Variants in MDGA2 observed in about 807,000 individuals in gnomAD.
The protein encoded by MDGA2 is MAM domain containing glycosylphosphatidylinositol anchor 2, also known as MAM domain-containing glycosylphosphatidylinositol anchor protein 2.
MDGA2 carries 40 observed loss-of-function variants against 117.8 expected under a neutral mutation model. The observed-to-expected ratio is 0.34, with a 90% confidence interval of 0.26 to 0.44. The LOEUF (loss-of-function observed/expected upper bound fraction) is 0.44, where lower values mean the gene tolerates loss of function less well. MDGA2 is among the 20% of genes least tolerant of loss of function. The probability of loss-of-function intolerance (pLI) is 1.00; values close to 1 mark genes in which losing one functional copy is unlikely to be tolerated. For missense variants in MDGA2, 1,123 were observed against 1,250.6 expected (o/e 0.90, Z 1.54); for synonymous variants, 452 against 439.0 (o/e 1.03, Z -0.37).
intron 9 of MDGA2, among the ~76,000 whole-genome samples, chr14:46,949,339 T>C (rs1259007334): frequency 6.6e-6 from 1 of 152,036 alleles, no homozygotes; most frequent in Non-Finnish European, 1.5e-5. Context: ...TGTAATTTGA[T>C]ACTGTGATTT....
At chr14:47,466,142 G>A (rs1893599196) in intron 1 of MDGA2, among the ~76,000 whole-genome samples, 1 of 151,992 alleles carries the variant, frequency 6.6e-6, no homozygotes, top group Non-Finnish European at 1.5e-5. Context: ...CACAAAAAGG[G>A]AACAACAGAC....
chr14:47,571,880 C>A (rs771429223), intron 1 of MDGA2, among the ~76,000 whole-genome samples: 7 of 152,108 alleles, frequency 4.6e-5, no homozygotes, highest in African/African-American at 9.7e-5. Context: ...AAGTTCCACA[C>A]ACGTATCCCA....
chr14:47,041,464 A>G (rs1375143429), intron 7 of MDGA2, among the ~76,000 whole-genome samples: 2 of 152,182 alleles, frequency 1.3e-5, no homozygotes, highest in African/African-American at 4.8e-5. Context: ...GTCACTCCTA[A>G]TAAAAATGCA....
intron 9 of MDGA2, among the ~76,000 whole-genome samples, chr14:46,923,062 G>A (rs1324957560): frequency 6.6e-6 from 1 of 152,120 alleles, no homozygotes; most frequent in African/African-American, 2.4e-5. Flanking sequence ...TACTGAAATA[G>A]TTTTACCCTG....
intron 8 of MDGA2, among the ~76,000 whole-genome samples, chr14:47,001,269 T>C (rs201370324): frequency 2.0e-5 from 3 of 151,662 alleles, no homozygotes; most frequent in African/African-American, 4.8e-5. Context: ...AAAATCACAA[T>C]TGAAGGAATG....
chr14:47,063,874 G>T (rs1277758081), intron 6 of MDGA2, among the ~76,000 whole-genome samples: 1 of 151,970 alleles, frequency 6.6e-6, no homozygotes, highest in East Asian at 1.9e-4. Flanking sequence ...AGATGTTTAA[G>T]TGGTTGTCAT....
At chr14:47,592,028 G>A (rs567059442) in intron 1 of MDGA2, among the ~76,000 whole-genome samples, 1 of 151,982 alleles carries the variant, frequency 6.6e-6, no homozygotes, top group African/African-American at 2.4e-5. Context: ...AAGCTGATAA[G>A]CAACTTCAAC....
At chr14:47,595,858 G>A (rs1020727986) in intron 1 of MDGA2, among the ~76,000 whole-genome samples, 1 of 152,164 alleles carries the variant, frequency 6.6e-6, no homozygotes, top group African/African-American at 2.4e-5. Flanking sequence ...TAAAGAAACA[G>A]ACATCTGCAT....
chr14:47,383,824 C>T (rs1052318329), intron 1 of MDGA2, among the ~76,000 whole-genome samples: 2 of 152,068 alleles, frequency 1.3e-5, no homozygotes, highest in African/African-American at 4.8e-5. Flanking sequence ...CACACCCGGA[C>T]GGTTCATTAG....
intron 6 of MDGA2, among the ~76,000 whole-genome samples, chr14:47,085,731 C>T (rs1248530478): frequency 6.6e-6 from 1 of 151,274 alleles, no homozygotes; most frequent in Non-Finnish European, 1.5e-5. Context: ...ATAAACTTGA[C>T]AACTGAACTG....
At chr14:46,859,291 C>T (rs1390623465) in intron 14 of MDGA2, among the ~76,000 whole-genome samples, 1 of 152,138 alleles carries the variant, frequency 6.6e-6, no homozygotes. Flanking sequence ...GCTCTCCCCA[C>T]CTTTGTTGTG....
At chr14:47,587,909 C>T (rs1896355554) in intron 1 of MDGA2, among the ~76,000 whole-genome samples, 1 of 151,850 alleles carries the variant, frequency 6.6e-6, no homozygotes, top group Non-Finnish European at 1.5e-5. Context: ...CTCCTTGCAC[C>T]TCTTATCTAC....
chr14:46,993,078 A>T (rs75050139), intron 8 of MDGA2, among the ~76,000 whole-genome samples: 1 of 152,010 alleles, frequency 6.6e-6, no homozygotes, highest in Non-Finnish European at 1.5e-5. Flanking sequence ...AAAAAAAAAA[A>T]TTCTTCTCAT....
chr14:47,157,303 T>A (rs560377514), intron 3 of MDGA2, among the ~76,000 whole-genome samples: 2 of 152,178 alleles, frequency 1.3e-5, no homozygotes, highest in East Asian at 3.8e-4. Flanking sequence ...AAAACTTAGA[T>A]TCATTCATTC....
intron 8 of MDGA2, among the ~76,000 whole-genome samples, chr14:47,028,398 T>C (rs1197647666): frequency 1.3e-5 from 2 of 152,286 alleles, no homozygotes; most frequent in African/African-American, 2.4e-5. Context: ...TGTAAATATA[T>C]ACAACCATTA....
intron 8 of MDGA2, among the ~76,000 whole-genome samples, chr14:46,970,837 T>A (rs1216165884): frequency 6.6e-6 from 1 of 151,814 alleles, no homozygotes; most frequent in African/African-American, 2.4e-5. Flanking sequence ...CCCAAATAAC[T>A]CAATAATTTT....
At chr14:47,115,007 A>T (rs1311166602) in intron 5 of MDGA2, among the ~76,000 whole-genome samples, 1 of 151,964 alleles carries the variant, frequency 6.6e-6, no homozygotes, top group Non-Finnish European at 1.5e-5. Context: ...AAATGGAAGA[A>T]AATTTTTGCT....
chr14:47,499,607 C>A (rs1262511679), intron 1 of MDGA2, among the ~76,000 whole-genome samples: 1 of 152,138 alleles, frequency 6.6e-6, no homozygotes, highest in Admixed American at 6.6e-5. Flanking sequence ...CTCCCTACCA[C>A]TATCAGCTTA....
chr14:47,381,430 T>G (rs1891622957), intron 1 of MDGA2, among the ~76,000 whole-genome samples: 2 of 152,186 alleles, frequency 1.3e-5, no homozygotes, highest in South Asian at 4.1e-4. Flanking sequence ...TGTCCCTGTT[T>G]GCAGATGACA....
Sources: gnomAD v4.1 joint callset for allele counts (sites outside exome capture counted in the v4.1 genomes callset) on GRCh38, gnomAD v4.1.1 for gene constraint, MANE v1.5 for transcripts, NCBI Gene and HGNC (gene_info 2026-07-23, HGNC 2026-07-21) for gene names.